Variants in PLEKHA6 observed in about 807,000 individuals in gnomAD.
PLEKHA6 encodes pleckstrin homology domain-containing family A member 6.
A neutral mutation model predicts 116.7 loss-of-function variants in PLEKHA6; 60 were observed. The observed-to-expected ratio is 0.51, with a 90% CI of 0.42 to 0.64. PLEKHA6 has a LOEUF of 0.64. Among genes scored for constraint, PLEKHA6 ranks in the 30% least tolerant of loss-of-function variants. The pLI, the probability that PLEKHA6 is intolerant of heterozygous loss-of-function variation, is 0.00. For missense variants in PLEKHA6, 1,338 were observed against 1,422.7 expected (o/e 0.94, Z 0.96); for synonymous variants, 489 against 556.1 (o/e 0.88, Z 1.70).
At chr1:204,243,535 G>A (rs1304691476) in intron 15 of PLEKHA6, among the ~76,000 whole-genome samples, 1 of 151,852 alleles carries the variant, frequency 6.6e-6, no homozygotes, top group Non-Finnish European at 1.5e-5. Context: ...TCATTGCCTC[G>A]CCCCCATGCC....
intron 1 of PLEKHA6, among the ~76,000 whole-genome samples, chr1:204,333,420 GC>G (rs1672530988): frequency 6.6e-6 from 1 of 152,182 alleles, no homozygotes; most frequent in Admixed American, 6.5e-5. Context: ...CCAGTTCTCT[GC>G]CTCTCCTAAG....
Position 204,257,607 on chromosome 1 carries a change from T to C in PLEKHA6, c.1270A>G (p.Ile424Val). 1 of 1,609,344 alleles carries C rather than the reference T, an allele frequency of 6.2e-7. No individual in the cohort carries two copies. Among genetic ancestry groups the C allele is most frequent in the Admixed American group, 1.7e-5 (1 of 59,670 alleles). ...ACTGGCTGCCGGGAGGGGCTTGGGA[T>C]CCAGACGGTGGCATCCTGCCGCCCG... ...SYGRQDATVW[I>V]PSPSRQPVYY... The change falls in exon 9 of 23, where the codon ATC (isoleucine) becomes GTC (valine). Residue 424 changes from isoleucine (I) to valine (V), a missense_variant. Coordinates refer to ENST00000272203, the MANE Select transcript of PLEKHA6 (RefSeq NM_014935.5). This position sits in a 1 kb window ranked among gnomAD's most constrained non-coding sequence, Gnocchi z 6.5.
intron 1 of PLEKHA6, chr1:204,309,036 T>C: frequency 1.0e-6 from 1 of 964,992 alleles, no homozygotes; most frequent in African/African-American, 1.8e-5. Context: ...GTTCCTCCAG[T>C]GGCTGGTTTC....
intron 17 of PLEKHA6, among the ~76,000 whole-genome samples, chr1:204,236,154 G>T (rs139542008): frequency 6.6e-6 from 1 of 152,190 alleles, no homozygotes; most frequent in Non-Finnish European, 1.5e-5. Context: ...CATAGTGTTG[G>T]ATCAGGCTGA....
intron 13 of PLEKHA6, among the ~76,000 whole-genome samples, chr1:204,246,091 A>G (rs1341329943): frequency 1.3e-5 from 2 of 152,070 alleles, no homozygotes; most frequent in Non-Finnish European, 2.9e-5. Context: ...CTTCCATTTT[A>G]CTGCTTTTCT....
chr1:204,337,593 A>T (rs1337237604), intron 1 of PLEKHA6, among the ~76,000 whole-genome samples: 1 of 152,212 alleles, frequency 6.6e-6, no homozygotes, highest in Admixed American at 6.5e-5. Context: ...TAAAGGAGCA[A>T]ACAAAAGCAA....
At chr1:204,276,462 G>A (rs1668014706) in intron 1 of PLEKHA6, among the ~76,000 whole-genome samples, 1 of 152,130 alleles carries the variant, frequency 6.6e-6, no homozygotes, top group Non-Finnish European at 1.5e-5. Flanking sequence ...TGTCCCATCT[G>A]GTGGTCTGGG....
upstream of PLEKHA6, among the ~76,000 whole-genome samples, chr1:204,361,797 G>T (rs1452136054): frequency 6.6e-6 from 1 of 152,176 alleles, no homozygotes; most frequent in Non-Finnish European, 1.5e-5. Context: ...CAAGATGAGG[G>T]GCTCTTGGGG....
intron 8 of PLEKHA6, among the ~76,000 whole-genome samples, chr1:204,258,650 C>T (rs1040608544): frequency 6.6e-6 from 1 of 152,260 alleles, no homozygotes; most frequent in African/African-American, 2.4e-5. Flanking sequence ...GGGAAGGAGC[C>T]TGCAGCCCAT....
intron 1 of PLEKHA6, among the ~76,000 whole-genome samples, chr1:204,345,831 T>C (rs1036927264): frequency 6.6e-6 from 1 of 151,958 alleles, no homozygotes; most frequent in African/African-American, 2.4e-5. Flanking sequence ...ACCTTAATGG[T>C]AAGAGACCAG....
chr1:204,342,515 G>A (rs181468748), intron 1 of PLEKHA6, among the ~76,000 whole-genome samples: 50 of 152,314 alleles, frequency 3.3e-4, no homozygotes, highest in Middle Eastern at 3.4e-3. Flanking sequence ...AGGCTTCTCC[G>A]CTTTTAATGT....
chr1:204,228,167 T>A lies in PLEKHA6; in HGVS notation c.2947A>T (p.Ser983Cys). 1 of 1,613,316 alleles carries A rather than the reference T, an allele frequency of 6.2e-7. No individual in the cohort carries two copies. The highest frequency in any genetic ancestry group is 1.1e-5 in the South Asian group (1 of 90,988). The change falls in exon 21 of 23, where the codon AGC becomes TGC. Residue 983 changes from serine (S) to cysteine (C), a missense_variant. Physicochemically the swap from Ser to Cys is moderately radical, Grantham distance 112 (BLOSUM62 -1). Coordinates refer to ENST00000272203, the MANE Select transcript of PLEKHA6 (RefSeq NM_014935.5). The surrounding 1 kb of genome is among the most constrained non-coding windows in gnomAD (Gnocchi z 4.0). ...CGCTTCTCCTGCTCCTGCAGCTGGC[T>A]CTCTGAGTCCTGGGGCACGTCCACA... ...DSVDVPQDSE[S>C]QLQEQEKRIE...
chr1:204,230,638 C>G (rs1349549104), intron 17 of PLEKHA6, 52 bp from the exon 18 acceptor site: 7 of 1,463,672 alleles, frequency 4.8e-6, no homozygotes, highest in Non-Finnish European at 5.6e-6. Context: ...CCCCACCCAG[C>G]TTTTCCATCC....
chr1:204,318,816 G>A (rs1671954810), intron 1 of PLEKHA6, among the ~76,000 whole-genome samples: 1 of 152,100 alleles, frequency 6.6e-6, no homozygotes. Flanking sequence ...TGGAAGACTC[G>A]GGTTGTTTCT....
At chr1:204,225,901 C>G (rs1341498659) in intron 21 of PLEKHA6, among the ~76,000 whole-genome samples, 1 of 152,202 alleles carries the variant, frequency 6.6e-6, no homozygotes. Context: ...GCCACACGTA[C>G]AAACTCAAAA....
intron 1 of PLEKHA6, among the ~76,000 whole-genome samples, chr1:204,354,141 G>A (rs370324057): frequency 2.6e-5 from 4 of 152,154 alleles, no homozygotes; most frequent in South Asian, 4.1e-4. Flanking sequence ...AGACTGGGGG[G>A]ACACAATGAT....
At chr1:204,273,034 C>G (rs1251507440) in intron 3 of PLEKHA6, among the ~76,000 whole-genome samples, 1 of 152,206 alleles carries the variant, frequency 6.6e-6, no homozygotes, top group East Asian at 1.9e-4. Context: ...TTGTCAGGGT[C>G]CCCTGTGACC....
At chr1:204,263,792 T>G (rs773525380) in intron 6 of PLEKHA6, among the ~76,000 whole-genome samples, 4 of 152,050 alleles carry the variant, frequency 2.6e-5, no homozygotes, top group Non-Finnish European at 4.4e-5. Flanking sequence ...TGTTGTTGGT[T>G]AAACAGCCTG....
chr1:204,234,626 T>C (rs1192203905), intron 17 of PLEKHA6, among the ~76,000 whole-genome samples: 3 of 152,142 alleles, frequency 2.0e-5, no homozygotes, highest in Non-Finnish European at 4.4e-5. Flanking sequence ...TACAAAGTAT[T>C]GATCCTGGGT....
Sources: allele counts gnomAD v4.1 joint callset (sites outside exome capture counted in the v4.1 genomes callset), GRCh38; gene constraint gnomAD v4.1.1; non-coding constraint Gnocchi (gnomAD v3.1); transcripts MANE v1.5; gene names NCBI Gene and HGNC (gene_info 2026-07-23, HGNC 2026-07-21).